APP: variants seen among roughly 807,000 people sequenced by gnomAD.
APP encodes amyloid beta precursor protein.
APP carries 31 observed loss-of-function variants against 101.4 expected under a neutral mutation model. That is an observed-to-expected ratio of 0.31 (90% CI 0.23 to 0.41). The LOEUF is 0.41. Among genes scored for constraint, APP ranks in the 10% least tolerant of loss-of-function variants. The pLI is 1.00. For missense variants in APP, 839 were observed against 1,003.7 expected (o/e 0.84, Z 2.22); for synonymous variants, 366 against 364.4 (o/e 1.00, Z -0.05).
intron 12 of APP, among the ~76,000 whole-genome samples, 190 bp from the exon 13 acceptor site, chr21:25,954,879 G>C (rs1479883121): frequency 6.7e-6 from 1 of 149,532 alleles, no homozygotes; most frequent in Non-Finnish European, 1.5e-5. Flanking sequence ...TGTTAAAAAG[G>C]TTGAACTGAA....
intron 3 of APP, among the ~76,000 whole-genome samples, chr21:26,074,642 T>TTG (rs2061469518): frequency 1.3e-5 from 2 of 152,116 alleles, no homozygotes; most frequent in African/African-American, 4.8e-5. Context: ...TCCTAGCTAC[T>TTG]TGGGTGGCTG....
rs767019451 is a variant in APP at position 25,982,331 on chromosome 21, G to C, written c.1224+13C>G. 30 of 1,613,614 alleles carry C rather than the reference G, an allele frequency of 1.9e-5. No homozygotes were observed. The highest frequency in any genetic ancestry group is 2.5e-5 in the Non-Finnish European group (29 of 1,179,682). On this transcript the variant is annotated intron_variant, in intron 9 of 17. Transcript: ENST00000346798. ...AATATCGTAGGGCTGAATGATGGAA[G>C]AGCCAGACTTACCTGGGACATTCTC...
intron 16 of APP, among the ~76,000 whole-genome samples, chr21:25,897,237 C>T (rs922145121): frequency 2.0e-5 from 3 of 152,102 alleles, no homozygotes; most frequent in Non-Finnish European, 2.9e-5. Context: ...GTCAGCCTCC[C>T]CAGCAGCTGG....
intron 13 of APP, among the ~76,000 whole-genome samples, chr21:25,929,389 GT>G (rs199919338): frequency 1.1e-4 from 17 of 150,930 alleles, no homozygotes; most frequent in South Asian, 4.2e-4. Flanking sequence ...AAGAGTAGTG[GT>G]TTTTTTTTAA....
chr21:26,035,745 G>A (rs1445994489), intron 5 of APP, among the ~76,000 whole-genome samples: 2 of 152,138 alleles, frequency 1.3e-5, no homozygotes, highest in African/African-American at 4.8e-5. Context: ...AGAAAGCAGC[G>A]CATGTGTCAG....
intron 3 of APP, among the ~76,000 whole-genome samples, chr21:26,085,200 G>T (rs183937820): frequency 6.6e-6 from 1 of 152,140 alleles, no homozygotes; most frequent in African/African-American, 2.4e-5. Context: ...CCATGGGAAG[G>T]CCACATATAA....
chr21:26,147,066 G>A (rs2063169900), intron 1 of APP, among the ~76,000 whole-genome samples: 2 of 152,092 alleles, frequency 1.3e-5, no homozygotes, highest in Admixed American at 1.3e-4. Context: ...TCTATGCATG[G>A]GATGTGCAGT....
chr21:25,939,204 T>A (rs943144496), intron 13 of APP, among the ~76,000 whole-genome samples: 1 of 152,126 alleles, frequency 6.6e-6, no homozygotes, highest in African/African-American at 2.4e-5. Context: ...TGAGGAGCTG[T>A]TGGCAGCAGG....
chr21:25,986,614 C>T (rs1282256928), intron 8 of APP, among the ~76,000 whole-genome samples: 1 of 133,738 alleles, frequency 7.5e-6, no homozygotes, highest in African/African-American at 3.3e-5. Flanking sequence ...GCAGGAGAAT[C>T]GCTTGAACCT....
Position 25,911,979 on chromosome 21 carries a change from C to T in APP, c.1688-17G>A. 1.3e-6 allele frequency: 2 copies of T among 1,594,300 alleles called. No individual in the cohort carries two copies. The highest frequency in any genetic ancestry group is 2.2e-5 in the South Asian group (2 of 90,466). On this transcript the variant is annotated splice_polypyrimidine_tract_variant and intron_variant, in intron 13 of 17. Coordinates refer to ENST00000346798, the MANE Select transcript of APP (RefSeq NM_000484.4). ...GCAGCTCATCTAAACCAAACAAAAC[C>T]ATCTCTTTGGTGAGTAACAACAATC...
At chr21:26,040,760 C>A (rs957410263) in intron 5 of APP, among the ~76,000 whole-genome samples, 2 of 119,974 alleles carry the variant, frequency 1.7e-5, no homozygotes, top group African/African-American at 2.8e-5. Context: ...GACTCTATCT[C>A]AAAACAAACA....
intron 7 of APP, among the ~76,000 whole-genome samples, chr21:25,999,520 A>G (rs1225402748): frequency 6.6e-6 from 1 of 152,202 alleles, no homozygotes; most frequent in Admixed American, 6.5e-5. Context: ...AATAAAAGAC[A>G]TGTTATGAAC....
chr21:25,999,670 A>G (rs45578240), intron 7 of APP, among the ~76,000 whole-genome samples: 3,338 of 152,326 alleles, frequency 0.022, 69 homozygotes, highest in African/African-American at 0.054. Flanking sequence ...GGACAAACAC[A>G]TAAGTATGCA....
At position 26,024,620 on chromosome 21, in the gene APP, T is replaced by C. The variant is rs985610833; in HGVS notation, c.663-2578A>G. On this transcript the variant is annotated intron_variant, in intron 5 of 17. Coordinates refer to ENST00000346798, the MANE Select transcript of APP (RefSeq NM_000484.4). ...TTTTGCTGAGAGTGAAAGGGAAAGA[T>C]ATGTAAAGAGATTAATCCATCAATG... Among the ~76,000 whole-genome samples the C allele has an allele frequency of 2.6e-5, 4 of 152,196 alleles. No homozygotes were observed. The South Asian group carries it at 8.3e-4, about 32-fold the overall frequency.
chr21:26,164,176 C>T (rs1337252698), intron 1 of APP, among the ~76,000 whole-genome samples: 2 of 152,184 alleles, frequency 1.3e-5, no homozygotes, highest in Admixed American at 1.3e-4. Flanking sequence ...ACCTGAGAGG[C>T]GGAGATTGCA....
chr21:26,137,161 C>T (rs1473027778), intron 1 of APP, among the ~76,000 whole-genome samples: 1 of 152,194 alleles, frequency 6.6e-6, no homozygotes, highest in South Asian at 2.1e-4. Flanking sequence ...AGGCTAACAT[C>T]AAGTGATCCG....
chr21:26,163,394 G>A (rs1300959277), intron 1 of APP, among the ~76,000 whole-genome samples: 1 of 152,002 alleles, frequency 6.6e-6, no homozygotes, highest in African/African-American at 2.4e-5. Context: ...ACTGTTTGGG[G>A]TCCATCATTA....
At chr21:26,082,820 AC>A (rs1323734788) in intron 3 of APP, among the ~76,000 whole-genome samples, 9 of 152,148 alleles carry the variant, frequency 5.9e-5, no homozygotes, top group Non-Finnish European at 8.8e-5. Flanking sequence ...GGGCTCACAC[AC>A]TGTGGGTGAT....
chr21:26,007,369 A>G (rs939717789), intron 6 of APP, among the ~76,000 whole-genome samples: 2 of 147,474 alleles, frequency 1.4e-5, no homozygotes, highest in Non-Finnish European at 3.0e-5. Context: ...ATATAATTAT[A>G]ATATATTAGA....
Sources: gnomAD v4.1 joint callset for allele counts (sites outside exome capture counted in the v4.1 genomes callset) on GRCh38, gnomAD v4.1.1 for gene constraint, MANE v1.5 for transcripts, NCBI Gene and HGNC (gene_info 2026-07-23, HGNC 2026-07-21) for gene names.